Variants in PCDHGA6 observed in about 807,000 individuals in gnomAD.
PCDHGA6 encodes the protein protocadherin gamma-A6.
A neutral mutation model predicts 60.6 loss-of-function variants in PCDHGA6; 41 were observed. That is an observed-to-expected ratio of 0.68 (90% CI 0.53 to 0.88). PCDHGA6 has a LOEUF of 0.88. Among genes scored for constraint, PCDHGA6 ranks in the 40% least tolerant of loss-of-function variants. The pLI is 0.00. For synonymous variants in PCDHGA6, 594 were observed against 524.4 expected (o/e 1.13, Z -1.81); for missense variants, 1,312 against 1,203.0 (o/e 1.09, Z -1.34).
chr5:141,495,939 G>A (rs1408330065), intron 2 of PCDHGA6, among the ~76,000 whole-genome samples: 1 of 151,994 alleles, frequency 6.6e-6, no homozygotes, highest in Non-Finnish European at 1.5e-5. Context: ...TCTGGTCTCT[G>A]TGCCTGTTGT....
At chr5:141,389,412 G>C (rs1039259671) in intron 1 of PCDHGA6, 21 of 1,613,470 alleles carry the variant, frequency 1.3e-5, no homozygotes, top group Non-Finnish European at 1.3e-5. Flanking sequence ...CGCGGAGAGC[G>C]GGGTGGTGTT....
chr5:141,381,355 C>A (rs1431564536), intron 1 of PCDHGA6, among the ~76,000 whole-genome samples: 1 of 152,222 alleles, frequency 6.6e-6, no homozygotes, highest in Non-Finnish European at 1.5e-5. Flanking sequence ...TTTCTGCTAG[C>A]AGAGGGTAGC....
chr5:141,380,839 A>G (rs377236135), intron 1 of PCDHGA6, among the ~76,000 whole-genome samples: 1 of 152,258 alleles, frequency 6.6e-6, no homozygotes, highest in Non-Finnish European at 1.5e-5. Context: ...CATCAGGTAA[A>G]AATGGATCAA....
chr5:141,375,994 G>A lies in PCDHGA6; in HGVS notation c.1911G>A (p.Ala637=), dbSNP rs553803944. ...CGCGCGCCCTGCTGGACAGAGACGC[G>A]CTCAAGCAGAGCCTAGTGGTGGCCG... ...RTARALLDRD[A]LKQSLVVAVQ... is the part of the protein sequence containing the mutation. The change falls in exon 1 of 4, where the codon GCG becomes GCA. Residue 637 remains alanine (A), a synonymous_variant. Coordinates refer to ENST00000517434, the MANE Select transcript of PCDHGA6 (RefSeq NM_018919.3). The A allele has an allele frequency of 2.5e-6, 4 of 1,613,410 alleles. No individual in the cohort carries two copies. The South Asian group carries it at 3.3e-5, about 13-fold the overall frequency.
At chr5:141,413,151 T>C (rs1192899612) in intron 1 of PCDHGA6, 5 of 1,573,560 alleles carry the variant, frequency 3.2e-6, no homozygotes, top group South Asian at 1.2e-5. Context: ...GTGAGGACTT[T>C]GCAGAATTCT....
intron 1 of PCDHGA6, chr5:141,394,299 C>G: frequency 6.2e-7 from 1 of 1,614,002 alleles, no homozygotes; most frequent in Middle Eastern, 1.6e-4. Context: ...CGAGGACACG[C>G]TGCAGGGGGC....
At chr5:141,409,067 A>G (rs2095219315) in intron 1 of PCDHGA6, 2 of 1,614,034 alleles carry the variant, frequency 1.2e-6, no homozygotes, top group South Asian at 2.2e-5. Context: ...CCAGAGCACA[A>G]AACATATGTT....
At chr5:141,404,762 C>T (rs1466259455) in intron 1 of PCDHGA6, 1 of 1,613,828 alleles carries the variant, frequency 6.2e-7, no homozygotes, top group East Asian at 2.2e-5. Flanking sequence ...GAATGCTTGG[C>T]TCTCCTACCG....
chr5:141,458,825 C>A (rs1417477907), intron 1 of PCDHGA6, among the ~76,000 whole-genome samples: 1 of 152,102 alleles, frequency 6.6e-6, no homozygotes, highest in Non-Finnish European at 1.5e-5. Context: ...CTCTGCCTCC[C>A]AGGCTCAAGT....
chr5:141,393,480 T>A (rs1026854698), intron 1 of PCDHGA6: 1 of 1,614,062 alleles, frequency 6.2e-7, no homozygotes, highest in Non-Finnish European at 8.5e-7. Context: ...GCCGCCTCGC[T>A]CTAGCACAGT....
In PCDHGA6 at chr5:141,487,153, T is replaced by C; in HGVS notation, c.2425-7654T>C. The stretch of plus-strand genomic sequence containing the variant: ...GTCCACCACTCTCTACCTCTGTTAC[T>C]CTCTTAGTGTCCTTAGAGGAAGACA... On this transcript the variant is annotated intron_variant, in intron 1 of 3. Coordinates refer to ENST00000517434, the MANE Select transcript of PCDHGA6 (RefSeq NM_018919.3). This position sits in a 1 kb window ranked among gnomAD's most constrained non-coding sequence, Gnocchi z 5.0. 3 of 1,613,954 alleles carry C rather than the reference T, an allele frequency of 1.9e-6. No individual in the cohort carries two copies. Among genetic ancestry groups the C allele is most frequent in the Non-Finnish European group, 2.5e-6 (3 of 1,179,838 alleles).
chr5:141,428,349 G>A (rs555622676), intron 1 of PCDHGA6: 93 of 583,074 alleles, frequency 1.6e-4, no homozygotes, highest in African/African-American at 1.5e-3. Flanking sequence ...TCCTCGCAGT[G>A]ATTTTGGCGG....
rs1368451336 is a variant in PCDHGA6 at position 141,505,377 on chromosome 5, C to T, written c.2484-16C>T. ...CGGCCTGGGAGTCTGTGCTCACCAT[C>T]CTACTCTCTCCCCAGCTCCCAAAAT... On this transcript the variant is annotated splice_polypyrimidine_tract_variant and intron_variant, in intron 2 of 3. Transcript: ENST00000517434. The T allele has an allele frequency of 6.2e-7, 1 of 1,614,036 alleles. No individual in the cohort carries two copies. Among genetic ancestry groups the T allele is most frequent in the Non-Finnish European group, 8.5e-7 (1 of 1,179,954 alleles).
Position 141,491,340 on chromosome 5 carries a change from C to T in PCDHGA6, c.2425-3467C>T, listed in dbSNP as rs772328241. The T allele has an allele frequency of 3.7e-6, 6 of 1,614,144 alleles. No individual in the cohort carries two copies. The Admixed American group carries it at 6.7e-5, about 18-fold the overall frequency. ...TTTACCTCATTGTGGCTCTAGCGAC[C>T]GTCAGTCTCTTATCCCTAGTCACCT... On this transcript the variant is annotated intron_variant, in intron 1 of 3. Transcript: ENST00000517434. This position sits in a 1 kb window ranked among gnomAD's most constrained non-coding sequence, Gnocchi z 6.9.
intron 1 of PCDHGA6, chr5:141,398,797 G>C (rs1338071296): frequency 1.2e-6 from 2 of 1,613,898 alleles, no homozygotes; most frequent in Non-Finnish European, 1.7e-6. Flanking sequence ...ACCCCTAAGC[G>C]GCACCACTGA....
Position 141,477,598 on chromosome 5 carries a change from C to A in PCDHGA6, c.2425-17209C>A. The A allele has an allele frequency of 6.2e-7, 1 of 1,614,180 alleles. No homozygotes were observed. The highest frequency in any genetic ancestry group is 8.5e-7 in the Non-Finnish European group (1 of 1,180,030). ...CCCCGCAGAATGCTCGGCTTTCTTT[C>A]TTTCTCTTGGAGCAAGGAGCTGAAA... On this transcript the variant is annotated intron_variant, in intron 1 of 3. Transcript: ENST00000517434. This position sits in a 1 kb window ranked among gnomAD's most constrained non-coding sequence, Gnocchi z 4.9.
intron 1 of PCDHGA6, among the ~76,000 whole-genome samples, chr5:141,454,900 C>T (rs1411402448): frequency 1.4e-5 from 2 of 145,486 alleles, no homozygotes; most frequent in African/African-American, 2.6e-5. Flanking sequence ...CACCGCCTCC[C>T]GGGTTCACGC....
chr5:141,461,409 A>ATATGTTTGT (rs1491521215), intron 1 of PCDHGA6, among the ~76,000 whole-genome samples: 2 of 151,810 alleles, frequency 1.3e-5, no homozygotes, highest in Non-Finnish European at 2.9e-5. Context: ...GCATTTTTTC[A>ATATGTTTGT]TATGTTTGTG....
chr5:141,433,358 C>CCCATCTAT (rs1554125967), intron 1 of PCDHGA6: 6 of 503,934 alleles, frequency 1.2e-5, no homozygotes, highest in Admixed American at 3.6e-5. Context: ...CTACTGTCTG[C>CCCATCTAT]CTATCTATCT....
Sources: gnomAD v4.1 joint callset for allele counts (sites outside exome capture counted in the v4.1 genomes callset) on GRCh38, gnomAD v4.1.1 for gene constraint, Gnocchi (gnomAD v3.1) non-coding constraint, MANE v1.5 for transcripts, NCBI Gene and HGNC (gene_info 2026-07-23, HGNC 2026-07-21) for gene names.